Variants in LRRC49 observed in about 807,000 individuals in gnomAD.
The protein encoded by LRRC49 is leucine-rich repeat-containing protein 49.
LRRC49 carries 50 observed loss-of-function variants against 83.3 expected under a neutral mutation model. The observed-to-expected ratio is 0.60, with a 90% CI of 0.48 to 0.76. LRRC49 has a LOEUF of 0.76. LRRC49 is among the 30% of genes least tolerant of loss of function. The pLI is 0.00. For missense variants in LRRC49, 704 were observed against 809.1 expected (o/e 0.87, Z 1.58); for synonymous variants, 286 against 283.3 (o/e 1.01, Z -0.10).
At chr15:70,987,540 G>A (rs1357708437) in intron 11 of LRRC49, among the ~76,000 whole-genome samples, 1 of 151,774 alleles carries the variant, frequency 6.6e-6, no homozygotes, top group African/African-American at 2.4e-5. Flanking sequence ...TTCTTTATTA[G>A]TCTTGCTAGC....
At chr15:70,981,772 A>G (rs1170708424) in intron 10 of LRRC49, among the ~76,000 whole-genome samples, 5 of 152,102 alleles carry the variant, frequency 3.3e-5, no homozygotes, top group African/African-American at 1.2e-4. Flanking sequence ...GCACCTAGCT[A>G]TTAGAAACAT....
chr15:70,965,067 C>G (rs1353831040), intron 9 of LRRC49, among the ~76,000 whole-genome samples: 2 of 152,096 alleles, frequency 1.3e-5, no homozygotes, highest in African/African-American at 4.8e-5. Context: ...TAATTCAGCT[C>G]TATAGTGTCA....
chr15:70,871,971 G>T (rs376892201), intron 1 of LRRC49, among the ~76,000 whole-genome samples: 1 of 151,974 alleles, frequency 6.6e-6, no homozygotes, highest in African/African-American at 2.4e-5. Context: ...AGGCAGAGAC[G>T]CTCCTCACTT....
chr15:70,975,974 CTCATGCTTCCT>C (rs1289936675), intron 9 of LRRC49, among the ~76,000 whole-genome samples: 2 of 152,188 alleles, frequency 1.3e-5, no homozygotes, highest in Admixed American at 6.5e-5. Flanking sequence ...AAGCATGATT[CTCATGCTTCCT>C]TCCCATGTGG....
At chr15:70,987,964 C>G (rs1024807215) in intron 11 of LRRC49, among the ~76,000 whole-genome samples, 1 of 152,118 alleles carries the variant, frequency 6.6e-6, no homozygotes, top group Non-Finnish European at 1.5e-5. Flanking sequence ...GTTTCTTCAT[C>G]CTGAGTTCTA....
intron 9 of LRRC49, among the ~76,000 whole-genome samples, chr15:70,973,761 C>T (rs2037101448): frequency 6.6e-6 from 1 of 152,096 alleles, no homozygotes; most frequent in African/African-American, 2.4e-5. Context: ...GTCAAAAGTA[C>T]AGAATATAAA....
rs376943419 is a variant in LRRC49, at chr15:71,009,953, G to C, written c.1554G>C (p.Arg518Ser). 6.2e-7 allele frequency: 1 copy of C among 1,604,810 alleles called. No individual in the cohort carries two copies. Residue 518 changes from arginine (R) to serine (S), a missense_variant, in exon 13 of 16, where the codon AGG (arginine) becomes AGC (serine). By Grantham distance (110) the Arg-to-Ser change is moderately radical (BLOSUM62 -1). Coordinates refer to ENST00000260382, the MANE Select transcript of LRRC49 (RefSeq NM_017691.5). ...FTLWKYYVLF[R>S]LSHFSMQKIN... is the part of the protein sequence containing the mutation. Reference sequence around the variant, plus strand: ...TCTGGAAATACTATGTACTGTTTAGGCTAAGCCATTTCAGTATGCAGAAAA... The same window carrying C: ...TCTGGAAATACTATGTACTGTTTAGCCTAAGCCATTTCAGTATGCAGAAAA...
At chr15:71,048,292 G>A (rs1236671334) in intron 15 of LRRC49, among the ~76,000 whole-genome samples, 2 of 150,408 alleles carry the variant, frequency 1.3e-5, no homozygotes, top group Admixed American at 6.6e-5. Context: ...ATGGGGTCTC[G>A]CTATGTTGCC....
chr15:71,001,546 A>G (rs2095848188), intron 11 of LRRC49, among the ~76,000 whole-genome samples: 1 of 152,132 alleles, frequency 6.6e-6, no homozygotes, highest in Non-Finnish European at 1.5e-5. Flanking sequence ...TCTAGCTTCC[A>G]GAAATTTTCT....
At chr15:70,915,973 A>G (rs1271952771) in intron 6 of LRRC49, among the ~76,000 whole-genome samples, 1 of 152,212 alleles carries the variant, frequency 6.6e-6, no homozygotes, top group Non-Finnish European at 1.5e-5. Flanking sequence ...GACATCTGAG[A>G]AAAGTTCTTT....
At chr15:70,950,450 A>G (rs2036176992) in intron 8 of LRRC49, among the ~76,000 whole-genome samples, 1 of 151,782 alleles carries the variant, frequency 6.6e-6, no homozygotes, top group Non-Finnish European at 1.5e-5. Flanking sequence ...CCAATGTATA[A>G]GTATTCTCCC....
At chr15:70,873,271 C>T (rs901249033) in intron 2 of LRRC49, 1 of 1,516,196 alleles carries the variant, frequency 6.6e-7, no homozygotes, top group South Asian at 1.2e-5. Flanking sequence ...CAATTATACT[C>T]TGCTATCCCC....
chr15:70,983,573 A>G (rs996690487), intron 10 of LRRC49, among the ~76,000 whole-genome samples: 1 of 152,176 alleles, frequency 6.6e-6, no homozygotes, highest in South Asian at 2.1e-4. Context: ...AATAATTTTT[A>G]AATTTCAGAC....
intron 1 of LRRC49, among the ~76,000 whole-genome samples, chr15:70,861,036 G>A (rs769044159): frequency 6.6e-6 from 1 of 152,154 alleles, no homozygotes; most frequent in East Asian, 1.9e-4. Flanking sequence ...AACACGCTCT[G>A]GATTTGTTTG....
chr15:71,018,237 G>A (rs2038887225), intron 14 of LRRC49, among the ~76,000 whole-genome samples: 1 of 152,142 alleles, frequency 6.6e-6, no homozygotes, highest in Non-Finnish European at 1.5e-5. Context: ...GAACTGACAG[G>A]ATGAACACCT....
intron 9 of LRRC49, among the ~76,000 whole-genome samples, chr15:70,975,934 T>C (rs1239609873): frequency 6.6e-6 from 1 of 152,076 alleles, no homozygotes; most frequent in Non-Finnish European, 1.5e-5. Context: ...GCAGAAATAA[T>C]GTATATCATT....
rs529725580 is a variant in LRRC49 at position 70,867,058 on chromosome 15, G to A, written c.-298-5850G>A. Among the ~76,000 whole-genome samples the A allele has an allele frequency of 1.8e-4, 18 of 97,568 alleles. No individual in the cohort carries two copies. In the South Asian group the frequency reaches 2.0e-3, roughly 11 times the overall value. The allele number at this position is 97,568 out of a possible 152,430, so 64.0% of individuals were successfully genotyped here. On this transcript the variant is annotated intron_variant, in intron 1 of 16. Coordinates refer to the LRRC49 transcript ENST00000544974. ...TGGAGGCTGATCGGAACGGAATCCT[G>A]ATGGCCAAGTTGCCCAAGGCTATCA...
chr15:70,880,438 A>G (rs1439100089), intron 2 of LRRC49, among the ~76,000 whole-genome samples: 1 of 152,236 alleles, frequency 6.6e-6, no homozygotes, highest in Non-Finnish European at 1.5e-5. Flanking sequence ...TGTTTGATAA[A>G]TACTTATGAA....
rs184594915 is a variant in LRRC49 at position 71,020,631 on chromosome 15, A to C, written c.1703+7718A>C. Among the ~76,000 whole-genome samples the C allele has an allele frequency of 7.2e-4, 109 of 152,322 alleles. 2 individuals carry two copies. In the South Asian group the frequency reaches 0.012, roughly 17 times the overall value. On this transcript the variant is annotated intron_variant, in intron 14 of 15. Transcript: ENST00000260382. ...ATCAACAAATTGATTTCATAACAGC[A>C]GCGGTGGAAGCCAGAAGATAGGATA... is the stretch of plus-strand genomic sequence containing the variant.
Sources: allele counts gnomAD v4.1 joint callset (sites outside exome capture counted in the v4.1 genomes callset), GRCh38; gene constraint gnomAD v4.1.1; transcripts MANE v1.5; gene names NCBI Gene and HGNC (gene_info 2026-07-23, HGNC 2026-07-21).